The following TMEM132C variants were observed in gnomAD, a reference collection of about 807,000 sequenced individuals.
The protein encoded by TMEM132C is transmembrane protein 132C.
TMEM132C carries 29 observed loss-of-function variants against 61.4 expected under a neutral mutation model. The ratio of observed to expected loss-of-function variants is 0.47; its 90% confidence interval spans 0.35 to 0.64. TMEM132C has a LOEUF of 0.64. TMEM132C is among the 30% of genes least tolerant of loss of function. TMEM132C has a pLI of 0.00. For missense variants in TMEM132C, 1,408 were observed against 1,476.9 expected (o/e 0.95, Z 0.76); for synonymous variants, 656 against 633.1 (o/e 1.04, Z -0.54).
At chr12:128,550,975 G>A (rs989482516) in intron 3 of TMEM132C, among the ~76,000 whole-genome samples, 1 of 152,172 alleles carries the variant, frequency 6.6e-6, no homozygotes, top group Non-Finnish European at 1.5e-5. Flanking sequence ...CATGGACACG[G>A]TTGGACTCAG....
At chr12:128,614,147 A>C (rs1236813082) in intron 3 of TMEM132C, among the ~76,000 whole-genome samples, 1 of 152,168 alleles carries the variant, frequency 6.6e-6, no homozygotes, top group Non-Finnish European at 1.5e-5. Flanking sequence ...TGTTTCCACC[A>C]ATAGCGGTTC....
chr12:128,360,273 C>A, intron 1 of TMEM132C, among the ~76,000 whole-genome samples: 1 of 151,840 alleles, frequency 6.6e-6, no homozygotes, highest in South Asian at 2.1e-4. Context: ...CACACACACA[C>A]ACACACACCC....
intron 2 of TMEM132C, among the ~76,000 whole-genome samples, chr12:128,515,255 G>C (rs1316565291): frequency 1.3e-5 from 2 of 152,172 alleles, no homozygotes; most frequent in Non-Finnish European, 2.9e-5. Flanking sequence ...GGTACACACA[G>C]ATAGCTCTCC....
At chr12:128,622,398 T>TATATATATATAA (rs1953977262) in intron 4 of TMEM132C, among the ~76,000 whole-genome samples, 1 of 121,794 alleles carries the variant, frequency 8.2e-6, no homozygotes, top group African/African-American at 3.0e-5. Context: ...TATATATATA[T>TATATATATATAA]ATAACCAGGA....
At chr12:128,689,883 T>C (rs1018219385) in intron 5 of TMEM132C, among the ~76,000 whole-genome samples, 3 of 152,196 alleles carry the variant, frequency 2.0e-5, no homozygotes, top group African/African-American at 7.2e-5. Context: ...CAGCAGTCTA[T>C]GCCAACAGGC....
intron 2 of TMEM132C, among the ~76,000 whole-genome samples, chr12:128,542,259 C>A (rs57195752): frequency 6.6e-6 from 1 of 152,006 alleles, no homozygotes; most frequent in Non-Finnish European, 1.5e-5. Flanking sequence ...TCTGTTGCTG[C>A]GGCTGCATTT....
intron 1 of TMEM132C, among the ~76,000 whole-genome samples, chr12:128,409,177 G>A (rs1868426627): frequency 6.6e-6 from 1 of 152,206 alleles, no homozygotes; most frequent in South Asian, 2.1e-4. Context: ...GTGCCCTCAT[G>A]TAGCATAAGC....
intron 4 of TMEM132C, among the ~76,000 whole-genome samples, chr12:128,666,164 A>C (rs1379675506): frequency 3.6e-5 from 4 of 111,486 alleles, no homozygotes; most frequent in African/African-American, 7.1e-5. Flanking sequence ...TTCATACACA[A>C]ACACAGGCAC....
At chr12:128,368,799 A>G (rs1224077711) in intron 1 of TMEM132C, among the ~76,000 whole-genome samples, 1 of 152,150 alleles carries the variant, frequency 6.6e-6, no homozygotes, top group Non-Finnish European at 1.5e-5. Flanking sequence ...CCATTCCACA[A>G]AGCGGGAGAC....
chr12:128,341,459 G>A (rs1031522931), intron 1 of TMEM132C, among the ~76,000 whole-genome samples: 15 of 152,164 alleles, frequency 9.9e-5, no homozygotes, highest in African/African-American at 3.4e-4. Flanking sequence ...TACTCGAATG[G>A]ATTTAAAAAT....
chr12:128,537,527 A>G (rs1005347710), intron 2 of TMEM132C, among the ~76,000 whole-genome samples: 10 of 152,174 alleles, frequency 6.6e-5, no homozygotes, highest in Admixed American at 3.9e-4. Flanking sequence ...TATTTCTTGC[A>G]TGTAATTTAG....
rs1954640360 is a variant in TMEM132C, at chr12:128,682,116, G to A, written c.1450-11713G>A. ...CCTCTGAGCCAATTGCTGTGGCTAG[G>A]AATGAGAAGCTCTGATTGGCTTAGG... On this transcript the variant is annotated intron_variant, in intron 5 of 8. Transcript: ENST00000435159. 2.0e-5 allele frequency among the ~76,000 whole-genome samples: 3 copies of A among 152,302 alleles called. No homozygotes were observed. In the South Asian group the frequency reaches 6.2e-4, roughly 32 times the overall value.
chr12:128,620,599 A>G (rs1953955439), intron 4 of TMEM132C, among the ~76,000 whole-genome samples: 1 of 152,236 alleles, frequency 6.6e-6, no homozygotes, highest in Non-Finnish European at 1.5e-5. Context: ...AGAAGGCAGT[A>G]ACCACTAATT....
chr12:128,356,971 T>C (rs1487517787), intron 1 of TMEM132C, among the ~76,000 whole-genome samples: 3 of 152,132 alleles, frequency 2.0e-5, no homozygotes, highest in Non-Finnish European at 4.4e-5. Flanking sequence ...CATGTGTAGT[T>C]TTCTATTTCT....
At chr12:128,646,625 T>C (rs1954201555) in intron 4 of TMEM132C, among the ~76,000 whole-genome samples, 2 of 151,762 alleles carry the variant, frequency 1.3e-5, no homozygotes, top group Non-Finnish European at 2.9e-5. Context: ...CCATCAGCGC[T>C]GGATGTGAGT....
intron 1 of TMEM132C, among the ~76,000 whole-genome samples, chr12:128,320,947 G>T (rs1218116790): frequency 6.6e-6 from 1 of 151,784 alleles, no homozygotes; most frequent in Non-Finnish European, 1.5e-5. Context: ...TGCTCTAGGG[G>T]TGTGTCAATT....
At chr12:128,552,030 G>A (rs901948535) in intron 3 of TMEM132C, among the ~76,000 whole-genome samples, 2 of 152,226 alleles carry the variant, frequency 1.3e-5, no homozygotes, top group African/African-American at 4.8e-5. Context: ...GTTCAGGGGG[G>A]ACTCCGTGTT....
chr12:128,600,937 T>G (rs747642710), intron 3 of TMEM132C, among the ~76,000 whole-genome samples: 6 of 152,222 alleles, frequency 3.9e-5, no homozygotes, highest in Non-Finnish European at 8.8e-5. Flanking sequence ...ACAGAGACCC[T>G]CAACCCATCA....
chr12:128,342,617 T>C (rs1421690270), intron 1 of TMEM132C, among the ~76,000 whole-genome samples: 1 of 152,074 alleles, frequency 6.6e-6, no homozygotes, highest in Non-Finnish European at 1.5e-5. Context: ...TTGAAGAGTG[T>C]TGAGAAGCCT....
Sources: allele counts gnomAD v4.1 joint callset (sites outside exome capture counted in the v4.1 genomes callset), GRCh38; gene constraint gnomAD v4.1.1; transcripts MANE v1.5; gene names NCBI Gene and HGNC (gene_info 2026-07-23, HGNC 2026-07-21).